Variants in KCNK13 observed in about 807,000 individuals in gnomAD.
KCNK13 encodes potassium channel subfamily K member 13.
Under a neutral mutation model 23.4 loss-of-function variants are expected in KCNK13, and 12 were observed. The ratio of observed to expected loss-of-function variants is 0.51; its 90% confidence interval spans 0.33 to 0.83. The LOEUF is 0.83. Among genes scored for constraint, KCNK13 ranks in the 40% least tolerant of loss-of-function variants. The pLI, the probability that KCNK13 is intolerant of heterozygous loss-of-function variation, is 0.02. For missense variants in KCNK13, 463 were observed against 556.3 expected (o/e 0.83, Z 1.69); for synonymous variants, 231 against 229.5 (o/e 1.01, Z -0.06).
chr14:90,172,050 C>T (rs1566651684), intron 1 of KCNK13, among the ~76,000 whole-genome samples: 1 of 152,100 alleles, frequency 6.6e-6, no homozygotes, highest in African/African-American at 2.4e-5. Context: ...GGCGTGGTGG[C>T]TCACACATGT....
intron 1 of KCNK13, among the ~76,000 whole-genome samples, chr14:90,088,733 A>G (rs1041922476): frequency 2.6e-5 from 4 of 152,120 alleles, no homozygotes; most frequent in Non-Finnish European, 5.9e-5. Context: ...CCCAAATCTC[A>G]TCTTGAATTG....
chr14:90,145,899 G>A (rs370321521), intron 1 of KCNK13, among the ~76,000 whole-genome samples: 26 of 151,962 alleles, frequency 1.7e-4, no homozygotes, highest in African/African-American at 5.8e-4. Flanking sequence ...TACTGGGGGG[G>A]TGGGGAGGTG....
chr14:90,184,767 G>C lies in KCNK13; in HGVS notation c.991G>C (p.Gly331Arg), dbSNP rs116117726. The C allele has an allele frequency of 1.2e-6, 2 of 1,613,550 alleles. No homozygotes were observed. Among genetic ancestry groups the C allele is most frequent in the Non-Finnish European group, 1.7e-6 (2 of 1,179,500 alleles). Residue 331 changes from glycine to arginine, a missense_variant, in exon 2 of 2, where the codon GGG becomes CGG. Gly to Arg is a moderately radical substitution (Grantham distance 125). Transcript: ENST00000282146. The surrounding 1 kb of genome is among the most constrained non-coding windows in gnomAD (Gnocchi z 5.6). ...NRCNISIETDGVAESDTDGRR... is the reference protein window; with the variant it reads ...NRCNISIETDRVAESDTDGRR... The stretch of plus-strand genomic sequence containing the variant: ...CTGCAACATCTCCATAGAGACAGAC[G>C]GGGTGGCAGAGAGTGACACGGACGG...
rs952358395 is a variant in KCNK13 at position 90,143,137 on chromosome 14, A to G, written c.335-40974A>G. Among the ~76,000 whole-genome samples the G allele has an allele frequency of 3.2e-5, 3 of 93,280 alleles. No homozygotes were observed. In the East Asian group the frequency reaches 2.0e-3, roughly 62 times the overall value. The allele number at this position is 93,280 out of a possible 152,430, so 61.2% of individuals were successfully genotyped here. The stretch of plus-strand genomic sequence containing the variant: ...AAATTTATGTCCCTGTTTTAGGAGA[A>G]GAGCAGAAACTTTCTTTCTTTCTTT... On this transcript the variant is annotated intron_variant, in intron 1 of 1. Coordinates refer to ENST00000282146, the MANE Select transcript of KCNK13 (RefSeq NM_022054.4).
chr14:90,135,914 A>G (rs1566642732), intron 1 of KCNK13, among the ~76,000 whole-genome samples: 1 of 152,112 alleles, frequency 6.6e-6, no homozygotes, highest in Non-Finnish European at 1.5e-5. Flanking sequence ...AGATGAGAAC[A>G]TGCATTCAGC....
chr14:90,181,771 C>A (rs979191725), intron 1 of KCNK13, among the ~76,000 whole-genome samples: 1 of 152,112 alleles, frequency 6.6e-6, no homozygotes, highest in African/African-American at 2.4e-5. Context: ...AAAGGACCCT[C>A]CCCCAGCCCA....
At chr14:90,132,112 A>G (rs1423239178) in intron 1 of KCNK13, among the ~76,000 whole-genome samples, 1 of 152,256 alleles carries the variant, frequency 6.6e-6, no homozygotes, top group Admixed American at 6.5e-5. Context: ...AAAGAAGGGA[A>G]ACTCAGGCAC....
chr14:90,109,685 C>G (rs1246264977), intron 1 of KCNK13, among the ~76,000 whole-genome samples: 1 of 148,478 alleles, frequency 6.7e-6, no homozygotes, highest in Admixed American at 6.7e-5. Flanking sequence ...GCTGGGATTA[C>G]AGGCATGAGC....
At chr14:90,167,669 G>A (rs961609095) in intron 1 of KCNK13, among the ~76,000 whole-genome samples, 1 of 152,108 alleles carries the variant, frequency 6.6e-6, no homozygotes, top group African/African-American at 2.4e-5. Context: ...ATTCGCTGAG[G>A]CAGTCCACCA....
At chr14:90,067,803 G>T (rs1236658088) in intron 1 of KCNK13, among the ~76,000 whole-genome samples, 1 of 152,140 alleles carries the variant, frequency 6.6e-6, no homozygotes, top group Non-Finnish European at 1.5e-5. Flanking sequence ...ACTAGCTTTT[G>T]TTAGGAGCTT....
In KCNK13 at chr14:90,101,440, G is replaced by A. The variant is rs142249646; in HGVS notation, c.334+38901G>A. 3.0e-3 allele frequency among the ~76,000 whole-genome samples: 464 copies of A among 152,140 alleles called. 1 individual carries two copies. The highest frequency in any genetic ancestry group is 6.8e-3 in the Middle Eastern group (2 of 294). On this transcript the variant is annotated intron_variant, in intron 1 of 1. Transcript: ENST00000282146. The stretch of plus-strand genomic sequence containing the variant: ...AATTCTCCCATGGGGTGCAACGCAG[G>A]AGAGGGATACAAGACTACAAATTGG...
At chr14:90,125,221 AT>A (rs57748519) in intron 1 of KCNK13, among the ~76,000 whole-genome samples, 9,794 of 144,226 alleles carry the variant, frequency 0.068, 993 homozygotes, top group African/African-American at 0.23. Context: ...GATCTACTTA[AT>A]TTTTTTTTTT....
chr14:90,069,296 A>G (rs1889046975), intron 1 of KCNK13, among the ~76,000 whole-genome samples: 1 of 151,944 alleles, frequency 6.6e-6, no homozygotes, highest in Non-Finnish European at 1.5e-5. Flanking sequence ...CGGCCTCCCA[A>G]AGTGCTGGGA....
At chr14:90,135,677 G>A (rs1889927786) in intron 1 of KCNK13, among the ~76,000 whole-genome samples, 1 of 152,172 alleles carries the variant, frequency 6.6e-6, no homozygotes, top group Admixed American at 6.5e-5. Context: ...GTTGGAGAGA[G>A]GTTGGAGGGT....
intron 1 of KCNK13, among the ~76,000 whole-genome samples, chr14:90,082,748 A>G (rs927739563): frequency 6.6e-6 from 1 of 152,214 alleles, no homozygotes; most frequent in Non-Finnish European, 1.5e-5. Flanking sequence ...AAGTTTATAA[A>G]AACGTATGTC....
chr14:90,062,322 C>T lies in KCNK13; in HGVS notation c.117C>T (p.Ser39=). The change falls in exon 1 of 2, where the codon TCC becomes TCT. Residue 39 remains serine, a synonymous_variant. Coordinates refer to ENST00000282146, the MANE Select transcript of KCNK13 (RefSeq NM_022054.4). The surrounding 1 kb of genome is among the most constrained non-coding windows in gnomAD (Gnocchi z 4.5). ...TGCTGGGCGGCGCCGCCGTCTTCTC[C>T]GCGCTGGAGCTGGCGCACGAGCGCC... The part of the protein sequence containing the change: ...LYLLGGAAVF[S]ALELAHERQA... 2 of 1,554,660 alleles carry T rather than the reference C, an allele frequency of 1.3e-6. No homozygotes were observed.
intron 1 of KCNK13, among the ~76,000 whole-genome samples, chr14:90,142,553 C>T (rs930746673): frequency 3.3e-5 from 5 of 152,026 alleles, no homozygotes; most frequent in South Asian, 2.1e-4. Flanking sequence ...CTCCTGACCT[C>T]GTGATCCACC....
At chr14:90,181,876 T>C in intron 1 of KCNK13, among the ~76,000 whole-genome samples, 1 of 152,208 alleles carries the variant, frequency 6.6e-6, no homozygotes, top group East Asian at 1.9e-4. Flanking sequence ...TCCCCCTTTT[T>C]CTGCCTGTTT....
At chr14:90,101,800 A>AAAAAAAAAAAAAAAAAC (rs1889482745) in intron 1 of KCNK13, among the ~76,000 whole-genome samples, 1 of 149,830 alleles carries the variant, frequency 6.7e-6, no homozygotes, top group Non-Finnish European at 1.5e-5. Flanking sequence ...CAAAAAAAAA[A>AAAAAAAAAAAAAAAAAC]AAAAAAAAAA....
Sources: allele counts gnomAD v4.1 joint callset (sites outside exome capture counted in the v4.1 genomes callset), GRCh38; gene constraint gnomAD v4.1.1; non-coding constraint Gnocchi (gnomAD v3.1); transcripts MANE v1.5; gene names NCBI Gene and HGNC (gene_info 2026-07-23, HGNC 2026-07-21).